The following PAXBP1 variants were observed in gnomAD, a reference collection of about 807,000 sequenced individuals.
The protein encoded by PAXBP1 is PAX3- and PAX7-binding protein 1.
PAXBP1 carries 44 observed loss-of-function variants against 119.9 expected under a neutral mutation model. The observed-to-expected ratio is 0.37, with a 90% CI of 0.29 to 0.47. The LOEUF is 0.47. PAXBP1 is among the 20% of genes least tolerant of loss of function. The pLI is 0.99. For synonymous variants in PAXBP1, 393 were observed against 406.6 expected (o/e 0.97, Z 0.40); for missense variants, 898 against 1,134.1 (o/e 0.79, Z 2.99).
chr21:32,761,129 G>C lies in PAXBP1; in HGVS notation c.905C>G (p.Thr302Ser), dbSNP rs768247590. 1.2e-6 allele frequency: 2 copies of C among 1,613,852 alleles called. No homozygotes were observed. Among genetic ancestry groups the C allele is most frequent in the Non-Finnish European group, 1.7e-6 (2 of 1,179,954 alleles). Residue 302 changes from threonine to serine, a missense_variant, in exon 5 of 18, where the codon ACT becomes AGT. Physicochemically the swap from Thr to Ser is moderately conservative, Grantham distance 58 (BLOSUM62 1). This residue lies in a region of PAXBP1 where 599 missense variants were observed against 852.7 expected (regional missense o/e 0.70). Transcript: ENST00000331923. Reference sequence around the variant, plus strand: ...GCTGAGCTCTTCATCCTGTTCTCCAGTTACTAAAGCATCATCATCACTCCC... The same window carrying C: ...GCTGAGCTCTTCATCCTGTTCTCCACTTACTAAAGCATCATCATCACTCCC... ...IEGSDDDALV[T>S]GEQDEELSRW...
At chr21:32,751,392 C>T (rs555206246) in intron 8 of PAXBP1, 174 bp from the exon 9 acceptor site, 33 of 523,888 alleles carry the variant, frequency 6.3e-5, no homozygotes, top group South Asian at 1.1e-4. Flanking sequence ...TATTATTCTG[C>T]GTTCCCATTT....
Position 32,734,665 on chromosome 21 carries a change from C to A in PAXBP1, c.*285G>T. ...ATTACACAATTTACACTGCACACATCGTTTACAGGGGACAATTAACTGAGA... is the reference window on the plus strand; with the variant it reads ...ATTACACAATTTACACTGCACACATAGTTTACAGGGGACAATTAACTGAGA... On this transcript the variant is annotated 3_prime_UTR_variant, in exon 18 of 18. Transcript: ENST00000331923. The A allele has an allele frequency of 4.9e-6, 2 of 406,646 alleles. No individual in the cohort carries two copies. The highest frequency in any genetic ancestry group is 9.0e-6 in the Non-Finnish European group (2 of 223,416). 25.2% of individuals were successfully genotyped at this position (406,646 alleles called of 1,614,324 possible).
At chr21:32,739,721 A>G (rs527509110) in intron 15 of PAXBP1, among the ~76,000 whole-genome samples, 45 of 151,988 alleles carry the variant, frequency 3.0e-4, no homozygotes, top group South Asian at 8.3e-4. Context: ...CCTGGCTAAC[A>G]TGATGAAACC....
Position 32,759,157 on chromosome 21 carries a change from C to A in PAXBP1, c.1306G>T (p.Gly436Cys). The A allele has an allele frequency of 6.2e-7, 1 of 1,614,038 alleles. No individual in the cohort carries two copies. The highest frequency in any genetic ancestry group is 2.2e-5 in the East Asian group (1 of 44,872). The change falls in exon 7 of 18, where the codon GGT becomes TGT. Residue 436 changes from glycine to cysteine, a missense_variant. Gly to Cys is a radical substitution (Grantham distance 159, BLOSUM62 -3). Around this residue, in one of 2 missense-constraint regions of PAXBP1, gnomAD observed 599 missense variants for 852.7 expected, o/e 0.70. Transcript: ENST00000331923. ...AIERLEGSSGGIGERYKFLQE... is the reference protein window; with the variant it reads ...AIERLEGSSGCIGERYKFLQE... ...AAAAATTTATACCGTTCACCAATAC[C>A]CCCAGAAGACCCTTCTAATCTTTCA...
rs1269460693 is a variant in PAXBP1, at chr21:32,755,277, C to T, written c.1460G>A (p.Arg487Gln). 1 of 1,613,518 alleles carries T rather than the reference C, an allele frequency of 6.2e-7. No homozygotes were observed. The highest frequency in any genetic ancestry group is 8.5e-7 in the Non-Finnish European group (1 of 1,179,680). Reference protein sequence around the residue: ...KQRASRLVQRRQDDIKDESSE... With the variant: ...KQRASRLVQRQQDDIKDESSE... ...AGATTCATCTTTAATATCATCTTGT[C>T]GTCTTTGGACAAGGCGGGAAGCTCG... The change falls in exon 8 of 18, where the codon CGA becomes CAA. Residue 487 changes from arginine to glutamine, a missense_variant. Coordinates refer to ENST00000331923, the MANE Select transcript of PAXBP1 (RefSeq NM_016631.4).
At chr21:32,757,694 A>G (rs1198506896) in intron 7 of PAXBP1, among the ~76,000 whole-genome samples, 3 of 152,250 alleles carry the variant, frequency 2.0e-5, no homozygotes, top group African/African-American at 4.8e-5. Flanking sequence ...GCAAGCGCCA[A>G]GACACTTCAA....
chr21:32,763,361 G>A (rs1181689318), intron 3 of PAXBP1, among the ~76,000 whole-genome samples: 4 of 152,072 alleles, frequency 2.6e-5, no homozygotes, highest in African/African-American at 7.2e-5. Context: ...ATAAAAACAT[G>A]GTTTCCTTGG....
chr21:32,740,550 C>A (rs996658291), intron 15 of PAXBP1, among the ~76,000 whole-genome samples: 3 of 152,162 alleles, frequency 2.0e-5, no homozygotes, highest in Non-Finnish European at 4.4e-5. Flanking sequence ...AGTGCTGGAA[C>A]AAGTAAACCT....
In PAXBP1 at chr21:32,751,099, G is replaced by A; in HGVS notation, c.1607+20C>T. The stretch of plus-strand genomic sequence containing the variant: ...CTCCTCCCTTCCCAAACAAGCCAGA[G>A]CAAGGGTTTTGAGAATTACCTCCTG... On this transcript the variant is annotated intron_variant, in intron 9 of 17. Coordinates refer to ENST00000331923, the MANE Select transcript of PAXBP1 (RefSeq NM_016631.4). The A allele has an allele frequency of 6.2e-7, 1 of 1,613,178 alleles. No homozygotes were observed. Among genetic ancestry groups the A allele is most frequent in the Non-Finnish European group, 8.5e-7 (1 of 1,179,224 alleles).
At chr21:32,754,623 T>A (rs1206075318) in intron 8 of PAXBP1, among the ~76,000 whole-genome samples, 2 of 152,222 alleles carry the variant, frequency 1.3e-5, no homozygotes, top group East Asian at 3.8e-4. Flanking sequence ...TATCCATTTG[T>A]ATACAAAATT....
intron 15 of PAXBP1, among the ~76,000 whole-genome samples, chr21:32,741,943 C>T (rs2043792127): frequency 2.0e-5 from 3 of 152,150 alleles, no homozygotes; most frequent in Admixed American, 2.0e-4. Context: ...TAAATGAAAA[C>T]CAAAACCTAA....
chr21:32,739,634 C>T (rs74887393), intron 15 of PAXBP1, among the ~76,000 whole-genome samples: 29,943 of 151,912 alleles, frequency 0.2, 3,147 homozygotes, highest in East Asian at 0.34. Context: ...CGGCCGGGCG[C>T]GGTGGCTCAC....
chr21:32,770,001 CTT>C, intron 1 of PAXBP1, 59 bp from the exon 2 acceptor site: 1 of 1,303,182 alleles, frequency 7.7e-7, no homozygotes, highest in East Asian at 2.4e-5. Flanking sequence ...ATTTTCCCTT[CTT>C]TCACATGATC....
chr21:32,745,128 A>G (rs2043853912), intron 12 of PAXBP1, among the ~76,000 whole-genome samples: 1 of 152,250 alleles, frequency 6.6e-6, no homozygotes, highest in Non-Finnish European at 1.5e-5. Context: ...CAGGGAAAAT[A>G]AAGATTAGGA....
intron 10 of PAXBP1, 51 bp downstream of exon 10, chr21:32,750,866 C>T (rs760041427): frequency 2.9e-5 from 39 of 1,356,400 alleles, no homozygotes; most frequent in Non-Finnish European, 3.6e-5. Flanking sequence ...AAACCATACC[C>T]AAGTAGAAAC....
At chr21:32,743,906 C>G (rs992019670) in intron 13 of PAXBP1, 152 bp from the exon 14 acceptor site, 2 of 538,396 alleles carry the variant, frequency 3.7e-6, no homozygotes, top group Admixed American at 3.6e-5. Context: ...GTAATTAATA[C>G]TTAATAATCT....
Position 32,755,249 on chromosome 21 carries a change from C to T in PAXBP1, c.1488G>A (p.Ser496=), listed in dbSNP as rs764677585. ...ACTGACTTGAATGGCTTGAAAACTC[C>T]GAAGATTCATCTTTAATATCATCTT... ...RRQDDIKDES[S]EFSSHSNKAL... is the part of the protein sequence containing the mutation. Residue 496 remains serine (S), a synonymous_variant, in exon 8 of 18, where the codon TCG becomes TCA. Transcript: ENST00000331923. 4 of 1,612,682 alleles carry T rather than the reference C, an allele frequency of 2.5e-6. No individual in the cohort carries two copies. Among genetic ancestry groups the T allele is most frequent in the African/African-American group, 2.7e-5 (2 of 74,820 alleles).
intron 15 of PAXBP1, chr21:32,741,384 G>A (rs543629337): frequency 1.5e-4 from 78 of 509,438 alleles, no homozygotes; most frequent in African/African-American, 1.5e-3. Flanking sequence ...ACAGTTTTAT[G>A]TAACATGACA....
chr21:32,738,528 T>C (rs555078142), intron 15 of PAXBP1, among the ~76,000 whole-genome samples: 1 of 152,336 alleles, frequency 6.6e-6, no homozygotes, highest in East Asian at 1.9e-4. Flanking sequence ...AACAGCCACA[T>C]GTAGCTAGTG....
Sources: allele counts gnomAD v4.1 joint callset (sites outside exome capture counted in the v4.1 genomes callset), GRCh38; gene constraint gnomAD v4.1.1; regional missense constraint gnomAD v4.1.1; transcripts MANE v1.5; gene names NCBI Gene and HGNC (gene_info 2026-07-23, HGNC 2026-07-21).